Variants in BORCS7 observed in about 807,000 individuals in gnomAD.
BORCS7 encodes the protein BLOC-1-related complex subunit 7.
In BORCS7, 20 loss-of-function variants were observed where a neutral mutation model predicts 17.5. The observed-to-expected ratio is 1.14, with a 90% CI of 0.80 to 1.66. The LOEUF (loss-of-function observed/expected upper bound fraction) is 1.66, where lower values mean the gene tolerates loss of function less well. BORCS7 is among the 40% of genes most tolerant of loss of function. The pLI, the probability that BORCS7 is intolerant of heterozygous loss-of-function variation, is 0.00. For synonymous variants in BORCS7, 57 were observed against 49.8 expected, an observed-to-expected ratio of 1.14 and a Z score of -0.61; for missense variants, 122 against 129.7, an observed-to-expected ratio of 0.94 and a Z score of 0.29.
intron 1 of BORCS7, among the ~76,000 whole-genome samples, chr10:102,857,913 A>G (rs1844454030): frequency 6.6e-6 from 1 of 152,158 alleles, no homozygotes; most frequent in Non-Finnish European, 1.5e-5. Flanking sequence ...TTATAATCCC[A>G]GCACTTTGGG....
Position 102,861,023 on chromosome 10 carries a change from T to G in BORCS7, c.248+482T>G, listed in dbSNP as rs148437189. Reference sequence around the variant, plus strand: ...AAATCATGTAGGGAATTTTGAAATATAAGACCCCCTCTTTCTCCATTATAA... The same window carrying G: ...AAATCATGTAGGGAATTTTGAAATAGAAGACCCCCTCTTTCTCCATTATAA... On this transcript the variant is annotated intron_variant, in intron 3 of 4. Coordinates refer to ENST00000339834, the MANE Select transcript of BORCS7 (RefSeq NM_001136200.2). Among the ~76,000 whole-genome samples, 368 of 152,330 alleles carry G rather than the reference T, an allele frequency of 2.4e-3. 2 individuals are homozygous for G. The highest frequency in any genetic ancestry group is 8.4e-3 in the African/African-American group (348 of 41,574).
chr10:102,857,464 T>C (rs918971051), intron 1 of BORCS7, among the ~76,000 whole-genome samples: 1 of 152,156 alleles, frequency 6.6e-6, no homozygotes, highest in Non-Finnish European at 1.5e-5. Context: ...GGTACTCTCA[T>C]AATTGTTGGT....
At chr10:102,854,960 ATT>A (rs1169705056) in intron 1 of BORCS7, among the ~76,000 whole-genome samples, 5 of 147,218 alleles carry the variant, frequency 3.4e-5, no homozygotes, top group Non-Finnish European at 6.0e-5. Flanking sequence ...ATACATATAT[ATT>A]ATATATAATA....
chr10:102,862,343 C>T (rs1590213909), intron 4 of BORCS7, among the ~76,000 whole-genome samples, 163 bp downstream of exon 4: 1 of 152,232 alleles, frequency 6.6e-6, no homozygotes, highest in African/African-American at 2.4e-5. Flanking sequence ...CAGCATATTT[C>T]AAAGGTGTGC....
Position 102,860,551 on chromosome 10 carries a change from C to T in BORCS7, c.248+10C>T. 2 of 1,609,788 alleles carry T rather than the reference C, an allele frequency of 1.2e-6. No homozygotes were observed. The highest frequency in any genetic ancestry group is 1.7e-5 in the Admixed American group (1 of 59,998). Reference sequence around the variant, plus strand: ...CACATCTTCAATACCAGTGAGTATGCCCCCTCCAGCAACTATTTGCTGCAG... The same window carrying T: ...CACATCTTCAATACCAGTGAGTATGTCCCCTCCAGCAACTATTTGCTGCAG... On this transcript the variant is annotated intron_variant, in intron 3 of 4. Transcript: ENST00000339834.
intron 1 of BORCS7, among the ~76,000 whole-genome samples, chr10:102,859,850 C>T (rs1397177074): frequency 6.6e-6 from 1 of 152,160 alleles, no homozygotes; most frequent in Non-Finnish European, 1.5e-5. Context: ...GGGCATGAGC[C>T]ACCGCACCTG....
At chr10:102,860,136 A>G (rs1449924420) in intron 1 of BORCS7, among the ~76,000 whole-genome samples, 196 bp from the exon 2 acceptor site, 2 of 152,224 alleles carry the variant, frequency 1.3e-5, no homozygotes, top group African/African-American at 4.8e-5. Context: ...TCCATGCCAG[A>G]ACTGCCATAG....
At chr10:102,861,559 A>G (rs923070217) in intron 3 of BORCS7, among the ~76,000 whole-genome samples, 12 of 151,794 alleles carry the variant, frequency 7.9e-5, no homozygotes, top group Non-Finnish European at 1.5e-4. Flanking sequence ...TCTACTAAAA[A>G]TACAAAAATT....
chr10:102,854,690 ATCACCTGAG>A (rs1013040078), intron 1 of BORCS7, among the ~76,000 whole-genome samples: 41 of 151,680 alleles, frequency 2.7e-4, no homozygotes, highest in African/African-American at 9.7e-4. Context: ...AGGCGGGCGG[ATCACCTGAG>A]GTCGGGAGTT....
intron 1 of BORCS7, among the ~76,000 whole-genome samples, chr10:102,854,949 T>C (rs1392496052): frequency 6.8e-6 from 1 of 146,866 alleles, no homozygotes; most frequent in Non-Finnish European, 1.5e-5. Flanking sequence ...ACATATATAA[T>C]ATACATATAT....
intron 3 of BORCS7, among the ~76,000 whole-genome samples, chr10:102,861,005 G>A (rs761012764): frequency 3.3e-5 from 5 of 152,194 alleles, no homozygotes; most frequent in African/African-American, 9.7e-5. Context: ...TATAAATCAT[G>A]TAGGGAATTT....
rs1844553925 is a variant in BORCS7, at chr10:102,863,605, T to C, written c.*681T>C. 1 of 152,216 alleles carries C rather than the reference T, an allele frequency of 6.6e-6. No individual in the cohort carries two copies. Among genetic ancestry groups the C allele is most frequent in the South Asian group, 2.1e-4 (1 of 4,836 alleles). The allele number at this position is 152,216 out of a possible 1,614,324, so 9.4% of individuals were successfully genotyped here. ...CTGAGTAGTGTTTTAAATTCAGAAA[T>C]AGAGCTTCTATTATGAACACATGAG... On this transcript the variant is annotated 3_prime_UTR_variant, in exon 5 of 5. Coordinates refer to ENST00000339834, the MANE Select transcript of BORCS7 (RefSeq NM_001136200.2).
chr10:102,858,313 T>C (rs1026391763), intron 1 of BORCS7, among the ~76,000 whole-genome samples: 3 of 151,900 alleles, frequency 2.0e-5, no homozygotes, highest in African/African-American at 7.3e-5. Context: ...GTCCATTGTT[T>C]AAAAAGGAAC....
Position 102,854,343 on chromosome 10 carries a change from G to C in BORCS7, c.57G>C (p.Gly19=), listed in dbSNP as rs772822661. 1 of 1,594,602 alleles carries C rather than the reference G, an allele frequency of 6.3e-7. No homozygotes were observed. ...SQARFGQSVK[G]LLTEKVTTCG... ...CGCGGTTCGGTCAGTCCGTGAAGGG[G>C]CTTCTCACGGAGAAGGTGACCACCT... Residue 19 remains glycine, a synonymous_variant, in exon 1 of 5, where the codon GGG becomes GGC. Coordinates refer to ENST00000339834, the MANE Select transcript of BORCS7 (RefSeq NM_001136200.2).
In BORCS7 at chr10:102,854,306, C is replaced by G; in HGVS notation, c.20C>G (p.Pro7Arg). 6.2e-7 allele frequency: 1 copy of G among 1,605,550 alleles called. No individual in the cohort carries two copies. The highest frequency in any genetic ancestry group is 2.2e-5 in the East Asian group (1 of 44,684). MMATGT[P>R]ESQARFGQSV... Reference sequence around the variant, plus strand: ...ACTGAAATGATGGCGACTGGAACGCCAGAGTCTCAAGCGCGGTTCGGTCAG... The same window carrying G: ...ACTGAAATGATGGCGACTGGAACGCGAGAGTCTCAAGCGCGGTTCGGTCAG... The change falls in exon 1 of 5, where the codon CCA (proline) becomes CGA (arginine). Residue 7 changes from proline (P) to arginine (R), a missense_variant. By Grantham distance (103) the Pro-to-Arg change is moderately radical. Transcript: ENST00000339834.
rs1844497550 is a variant in BORCS7, at chr10:102,860,404, A to T, written c.204+10A>T. The T allele has an allele frequency of 1.5e-5, 24 of 1,613,124 alleles. No homozygotes were observed. Among genetic ancestry groups the T allele is most frequent in the Non-Finnish European group, 1.8e-5 (21 of 1,179,516 alleles). On this transcript the variant is annotated intron_variant, in intron 2 of 4. Coordinates refer to ENST00000339834, the MANE Select transcript of BORCS7 (RefSeq NM_001136200.2). ...CTTGCACTCAGAAGATGTAAGAAAC[A>T]ACTTTTTTTTTTAATGATTTGGGTT...
chr10:102,860,270 A>G, intron 1 of BORCS7, 62 bp from the exon 2 acceptor site: 1 of 1,436,008 alleles, frequency 7.0e-7, no homozygotes. Context: ...TAACAGCTGC[A>G]GAGAGAAGAT....
chr10:102,861,954 A>C (rs897799758), intron 3 of BORCS7, among the ~76,000 whole-genome samples: 1 of 152,054 alleles, frequency 6.6e-6, no homozygotes, highest in South Asian at 2.1e-4. Flanking sequence ...GAATGTTACT[A>C]TCTGTTTGGG....
intron 1 of BORCS7, among the ~76,000 whole-genome samples, chr10:102,859,080 C>G (rs1844473267): frequency 6.6e-6 from 1 of 151,906 alleles, no homozygotes; most frequent in Non-Finnish European, 1.5e-5. Context: ...CTCTTTTGGA[C>G]TCAGGACCCA....
Sources: gnomAD v4.1 joint callset for allele counts (sites outside exome capture counted in the v4.1 genomes callset) on GRCh38, gnomAD v4.1.1 for gene constraint, MANE v1.5 for transcripts, NCBI Gene and HGNC (gene_info 2026-07-23, HGNC 2026-07-21) for gene names.